Variants in SHPRH observed in about 807,000 individuals in gnomAD.
The protein encoded by SHPRH is SNF2 histone linker PHD RING helicase.
In SHPRH, 106 loss-of-function variants were observed where a neutral mutation model predicts 202.5. That is an observed-to-expected ratio of 0.52 (90% confidence interval 0.45 to 0.62). The LOEUF (loss-of-function observed/expected upper bound fraction) is 0.62, where lower values mean the gene tolerates loss of function less well. SHPRH is among the 20% of genes least tolerant of loss of function. SHPRH has a pLI of 0.00. For missense variants in SHPRH, 1,710 were observed against 2,020.0 expected (o/e 0.85, Z 2.94); for synonymous variants, 729 against 686.0 (o/e 1.06, Z -0.98).
rs1787012225 is a variant in SHPRH at position 145,943,454 on chromosome 6, C to T, written c.1927G>A (p.Val643Ile). Residue 643 changes from valine (V) to isoleucine (I), a missense_variant, in exon 9 of 30, where the codon GTA becomes ATA. By Grantham distance (29) the Val-to-Ile change is conservative. Coordinates refer to ENST00000275233, the MANE Select transcript of SHPRH (RefSeq NM_001042683.3). Reference sequence around the variant, plus strand: ...GGACTCATGGTATTAGAAGGTGGTACATCACTATCAGCATGATTTAGAGAT... The same window carrying T: ...GGACTCATGGTATTAGAAGGTGGTATATCACTATCAGCATGATTTAGAGAT... Reference protein sequence around the residue: ...AESLNHADSDVPPSNTMSPFN... With the variant: ...AESLNHADSDIPPSNTMSPFN... The T allele has an allele frequency of 6.2e-7, 1 of 1,613,972 alleles. No individual in the cohort carries two copies. The highest frequency in any genetic ancestry group is 8.5e-7 in the Non-Finnish European group (1 of 1,179,936).
rs377741062 is a variant in SHPRH, at chr6:145,889,863, C to A, written c.4875-1763G>T. Among the ~76,000 whole-genome samples, 57 of 152,278 alleles carry A rather than the reference C, an allele frequency of 3.7e-4. No homozygotes were observed. In the South Asian group the frequency reaches 6.6e-3, roughly 18 times the overall value. ...GGCTTTTGAAAGAAAAGGGACACTT[C>A]TGCTGTAATAAAAGGGAAGGCATAT... On this transcript the variant is annotated intron_variant, in intron 28 of 29. Coordinates refer to ENST00000275233, the MANE Select transcript of SHPRH (RefSeq NM_001042683.3).
chr6:145,955,449 T>A, intron 1 of SHPRH, 95 bp from the exon 2 acceptor site: 1 of 1,206,010 alleles, frequency 8.3e-7, no homozygotes, highest in East Asian at 2.4e-5. Context: ...TCATAGCCCA[T>A]AAACATAATA....
chr6:145,957,349 TATG>T (rs1788608942), intron 1 of SHPRH, among the ~76,000 whole-genome samples: 1 of 152,106 alleles, frequency 6.6e-6, no homozygotes, highest in African/African-American at 2.4e-5. Context: ...TATGTAAGAA[TATG>T]ATAAACTAAG....
rs951917869 is a variant in SHPRH, at chr6:145,885,657, T to C, written c.*1034A>G. ...CACAGAAGAAGAAACACTTCGTTAT[T>C]ATCACTTGCAACGATTTGCTTATGT... On this transcript the variant is annotated 3_prime_UTR_variant, in exon 30 of 30. Transcript: ENST00000275233. The C allele has an allele frequency of 6.6e-6, 1 of 152,198 alleles. No individual in the cohort carries two copies. Among genetic ancestry groups the C allele is most frequent in the East Asian group, 1.9e-4 (1 of 5,202 alleles). The allele number at this position is 152,198 out of a possible 1,614,324, so 9.4% of individuals were successfully genotyped here.
chr6:145,908,381 A>G (rs1246003106), intron 25 of SHPRH: 1 of 152,152 alleles, frequency 6.6e-6, no homozygotes, highest in Non-Finnish European at 1.5e-5. Context: ...ATTCCTACCA[A>G]CAGTGTAAAA....
intron 14 of SHPRH, 154 bp downstream of exon 14, chr6:145,932,903 T>G (rs1785624244): frequency 6.3e-6 from 5 of 797,656 alleles, no homozygotes; most frequent in Non-Finnish European, 9.3e-6. Flanking sequence ...TGCTCTATAT[T>G]AAGTTGAACC....
Position 145,922,260 on chromosome 6 carries a change from G to C in SHPRH, c.3782+26C>G, listed in dbSNP as rs375171496. The C allele has an allele frequency of 1.3e-5, 20 of 1,571,936 alleles. No individual in the cohort carries two copies. In the African/African-American group the frequency reaches 2.7e-4, roughly 21 times the overall value. On this transcript the variant is annotated intron_variant, in intron 20 of 29. Transcript: ENST00000275233. ...TTGCAAAATGTTTCATTTTCTTGAT[G>C]GGTAATAATCAAATAGAGAACTTAC... is the stretch of plus-strand genomic sequence containing the variant.
chr6:145,924,131 A>G (rs974761295), intron 17 of SHPRH, among the ~76,000 whole-genome samples: 1 of 152,012 alleles, frequency 6.6e-6, no homozygotes, highest in African/African-American at 2.4e-5. Flanking sequence ...CTTTATCAGC[A>G]TAAGAAAGAA....
chr6:145,879,928 A>C (rs1381797900), downstream of SHPRH, among the ~76,000 whole-genome samples: 1 of 151,154 alleles, frequency 6.6e-6, no homozygotes, highest in Admixed American at 6.6e-5. Flanking sequence ...AAAAAAAAAA[A>C]AAAAGGAAAA....
chr6:145,921,606 TAAC>T (rs1006952908), intron 20 of SHPRH, among the ~76,000 whole-genome samples: 2 of 151,848 alleles, frequency 1.3e-5, no homozygotes, highest in Non-Finnish European at 2.9e-5. Flanking sequence ...TCATTTGCCA[TAAC>T]AACACAAAAA....
At chr6:145,898,624 T>C (rs1039756801) in intron 25 of SHPRH, among the ~76,000 whole-genome samples, 6 of 152,036 alleles carry the variant, frequency 3.9e-5, no homozygotes, top group African/African-American at 1.4e-4. Context: ...GTAAATTCTC[T>C]CTTGTGCAAG....
intron 11 of SHPRH, among the ~76,000 whole-genome samples, chr6:145,938,842 T>C (rs949900637): frequency 1.3e-5 from 2 of 152,148 alleles, no homozygotes; most frequent in South Asian, 4.1e-4. Context: ...TATGTAGACA[T>C]AGGGTGTGGC....
intron 4 of SHPRH, among the ~76,000 whole-genome samples, chr6:145,948,738 T>C (rs188345191): frequency 4.1e-4 from 62 of 152,182 alleles, no homozygotes; most frequent in Non-Finnish European, 6.5e-4. Flanking sequence ...AATAACTCAA[T>C]AGACATATGC....
rs1236082512 is a variant in SHPRH, at chr6:145,950,807, G to T, written c.764-325C>A. 2.0e-5 allele frequency among the ~76,000 whole-genome samples: 3 copies of T among 151,932 alleles called. No individual in the cohort carries two copies. The East Asian group carries it at 5.8e-4, about 29-fold the overall frequency. ...TTATGTCCACTGGTCCTTTCCCCAG[G>T]GTAACAAAGGCAAAGTTTTTCATTT... On this transcript the variant is annotated intron_variant, in intron 3 of 29. Coordinates refer to ENST00000275233, the MANE Select transcript of SHPRH (RefSeq NM_001042683.3).
chr6:145,933,922 C>T (rs1785744891), intron 13 of SHPRH, among the ~76,000 whole-genome samples: 2 of 152,176 alleles, frequency 1.3e-5, no homozygotes, highest in Non-Finnish European at 2.9e-5. Context: ...GGTAATCTAA[C>T]TCCCTGATGT....
At chr6:145,941,960 C>T in intron 9 of SHPRH, 86 bp from the exon 10 acceptor site, 2 of 1,492,774 alleles carry the variant, frequency 1.3e-6, no homozygotes, top group Admixed American at 1.9e-5. Flanking sequence ...CTTACTAAGT[C>T]CTCTCTATTT....
At chr6:145,938,424 C>T (rs1403560034) in intron 11 of SHPRH, among the ~76,000 whole-genome samples, 1 of 151,840 alleles carries the variant, frequency 6.6e-6, no homozygotes, top group Non-Finnish European at 1.5e-5. Context: ...ATCCTAACAG[C>T]AAAAATCTGA....
intron 2 of SHPRH, among the ~76,000 whole-genome samples, chr6:145,876,353 G>A (rs1780303196): frequency 6.6e-6 from 1 of 152,144 alleles, no homozygotes; most frequent in South Asian, 2.1e-4. Flanking sequence ...CCATCTGGGT[G>A]ACAGAGTGAG....
At chr6:145,913,577 T>C in intron 23 of SHPRH, 28 bp from the exon 24 acceptor site, 1 of 1,572,222 alleles carries the variant, frequency 6.4e-7, no homozygotes, top group Non-Finnish European at 8.7e-7. Flanking sequence ...AAAAAATATA[T>C]TAGTTACGTT....
Sources: gnomAD v4.1 joint callset for allele counts (sites outside exome capture counted in the v4.1 genomes callset) on GRCh38, gnomAD v4.1.1 for gene constraint, MANE v1.5 for transcripts, NCBI Gene and HGNC (gene_info 2026-07-23, HGNC 2026-07-21) for gene names.